BRAF: variants seen among roughly 807,000 people sequenced by gnomAD.
BRAF encodes the protein B-Raf proto-oncogene, serine/threonine kinase.
In BRAF, 16 loss-of-function variants were observed where a neutral mutation model predicts 104.6. The ratio of observed to expected loss-of-function variants is 0.15; its 90% confidence interval spans 0.10 to 0.23. The LOEUF is 0.23. Ranked by LOEUF, BRAF falls within the 10% of genes least tolerant of loss-of-function variation. The pLI, the probability that BRAF is intolerant of heterozygous loss-of-function variation, is 1.00. For synonymous variants in BRAF, 310 were observed against 341.6 expected, an observed-to-expected ratio of 0.91 and a Z score of 1.02; for missense variants, 541 against 937.3, an observed-to-expected ratio of 0.58 and a Z score of 5.52.
chr7:140,786,014 G>T (rs1399261858), intron 9 of BRAF, among the ~76,000 whole-genome samples: 1 of 152,134 alleles, frequency 6.6e-6, no homozygotes, highest in Admixed American at 6.6e-5. Flanking sequence ...CTTGCTTTTA[G>T]GTACTAAGCA....
At chr7:140,919,876 C>G (rs903539455) in intron 1 of BRAF, among the ~76,000 whole-genome samples, 2 of 151,422 alleles carry the variant, frequency 1.3e-5, no homozygotes, top group African/African-American at 4.9e-5. Context: ...CAGGGTCTCA[C>G]TCTGTTGCCA....
intron 1 of BRAF, among the ~76,000 whole-genome samples, chr7:140,871,316 A>G (rs1811571682): frequency 6.6e-6 from 1 of 151,966 alleles, no homozygotes; most frequent in African/African-American, 2.4e-5. Context: ...ACCTGGTGGA[A>G]AAGGGTAATC....
At chr7:140,823,242 C>T (rs1805670390) in intron 3 of BRAF, among the ~76,000 whole-genome samples, 1 of 152,158 alleles carries the variant, frequency 6.6e-6, no homozygotes, top group African/African-American at 2.4e-5. Context: ...TAAGTACATT[C>T]ACAATGTTGT....
At chr7:140,865,252 G>T (rs1356856992) in intron 1 of BRAF, among the ~76,000 whole-genome samples, 1 of 152,026 alleles carries the variant, frequency 6.6e-6, no homozygotes, top group African/African-American at 2.4e-5. Context: ...GCTAATTTTT[G>T]TATTTTTAGT....
At chr7:140,788,286 G>A (rs550873171) in intron 8 of BRAF, among the ~76,000 whole-genome samples, 1 of 152,212 alleles carries the variant, frequency 6.6e-6, no homozygotes, top group African/African-American at 2.4e-5. Flanking sequence ...TAATTCAGAA[G>A]AAAAAGTGAT....
rs144377394 is a variant in BRAF, at chr7:140,845,882, T to C, written c.240+4229A>G. ...TTTTAGTAGAGACAGGATTTCATCATGTTAGTCAGGCTGGTCTCAAACTCC... is the reference window on the plus strand; with the variant it reads ...TTTTAGTAGAGACAGGATTTCATCACGTTAGTCAGGCTGGTCTCAAACTCC... On this transcript the variant is annotated intron_variant, in intron 2 of 19. Coordinates refer to ENST00000644969, the MANE Select transcript of BRAF (RefSeq NM_001374258.1). Among the ~76,000 whole-genome samples the C allele has an allele frequency of 1.6e-3, 246 of 152,302 alleles. 1 individual carries two copies. Among genetic ancestry groups the C allele is most frequent in the Middle Eastern group, 0.014 (4 of 294 alleles).
chr7:140,776,860 C>A (rs969439754), intron 14 of BRAF, 52 bp downstream of exon 13: 1 of 1,553,928 alleles, frequency 6.4e-7, no homozygotes, highest in South Asian at 1.1e-5. Flanking sequence ...TTTAAAACAT[C>A]CTCAATGGTC....
chr7:140,846,698 TA>T (rs925719398), intron 2 of BRAF, among the ~76,000 whole-genome samples: 59 of 142,340 alleles, frequency 4.1e-4, no homozygotes, highest in Admixed American at 7.0e-4. Context: ...TTTACCCCAA[TA>T]AAAAAAAAAA....
intron 18 of BRAF, 43 bp from the exon 18 acceptor site, chr7:140,734,813 A>AG: frequency 8.1e-7 from 1 of 1,230,242 alleles, no homozygotes; most frequent in Non-Finnish European, 1.0e-6. Context: ...AAAAGAAAAA[A>AG]GAAAAAAAAA....
chr7:140,761,581 G>C (rs1326687576), intron 14 of BRAF, among the ~76,000 whole-genome samples: 4 of 152,056 alleles, frequency 2.6e-5, no homozygotes, highest in African/African-American at 9.7e-5. Context: ...CCAATTAAAA[G>C]ACACAGACTG....
rs143000427 is a variant in BRAF at position 140,750,655 on chromosome 7, A to C, written c.1981-1237T>G. On this transcript the variant is annotated intron_variant, in intron 16 of 19. Coordinates refer to ENST00000644969, the MANE Select transcript of BRAF (RefSeq NM_001374258.1). ...ATTTTGTTCATAGTTGCTTTTAGTA[A>C]TACAGTACAAAATAAACCACATATA... Among the ~76,000 whole-genome samples, 7 of 152,308 alleles carry C rather than the reference A, an allele frequency of 4.6e-5. No individual in the cohort carries two copies. The East Asian group carries it at 1.4e-3, about 29-fold the overall frequency.
intron 1 of BRAF, among the ~76,000 whole-genome samples, chr7:140,903,270 TTA>T: frequency 6.6e-6 from 1 of 152,136 alleles, no homozygotes; most frequent in South Asian, 2.1e-4. Context: ...GCTGGTGACT[TTA>T]AGTTGAAGCC....
intron 4 of BRAF, 57 bp from the exon 5 acceptor site, chr7:140,808,119 C>A (rs183540644): frequency 3.8e-6 from 5 of 1,332,390 alleles, no homozygotes; most frequent in African/African-American, 2.9e-5. Flanking sequence ...TATTCATATA[C>A]CTCATGCTGA....
At chr7:140,776,806 G>T in intron 14 of BRAF, 106 bp downstream of exon 13, 1 of 1,097,946 alleles carries the variant, frequency 9.1e-7, no homozygotes, top group Non-Finnish European at 1.4e-6. Context: ...TATGTTCCTG[G>T]ACAGTAATTT....
chr7:140,735,345 G>A (rs919095230), intron 18 of BRAF, among the ~76,000 whole-genome samples: 3 of 152,088 alleles, frequency 2.0e-5, no homozygotes, highest in Non-Finnish European at 2.9e-5. Flanking sequence ...AGGAGAACTC[G>A]ACAAATAGAC....
intron 1 of BRAF, among the ~76,000 whole-genome samples, chr7:140,877,893 T>G (rs187298818): frequency 6.6e-6 from 1 of 152,266 alleles, no homozygotes; most frequent in East Asian, 1.9e-4. Flanking sequence ...AACTCATAGT[T>G]AAAAACCTTT....
At chr7:140,734,810 AAAAG>A (rs2130871672) in intron 18 of BRAF, 40 bp from the exon 18 acceptor site, 2 of 1,451,430 alleles carry the variant, frequency 1.4e-6, no homozygotes, top group African/African-American at 2.0e-5. Context: ...AAAAAAAGAA[AAAAG>A]AAAAAAAAAG....
chr7:140,778,551 T>C (rs1200969985), intron 12 of BRAF, among the ~76,000 whole-genome samples: 1 of 152,030 alleles, frequency 6.6e-6, no homozygotes, highest in African/African-American at 2.4e-5. Flanking sequence ...TATGATACTT[T>C]CAATTAGGAA....
chr7:140,725,175 T>A lies in BRAF; in HGVS notation c.*1319A>T. The A allele has an allele frequency of 9.6e-7, 1 of 1,042,810 alleles. No homozygotes were observed. Among genetic ancestry groups the A allele is most frequent in the Non-Finnish European group, 1.2e-6 (1 of 865,056 alleles). The allele number at this position is 1,042,810 out of a possible 1,614,324, so 64.6% of individuals were successfully genotyped here. On this transcript the variant is annotated 3_prime_UTR_variant, in exon 20 of 20. Coordinates refer to ENST00000644969, the MANE Select transcript of BRAF (RefSeq NM_001374258.1). ...GCCACCATTTTTATTTTAGGTTGCATATTCTAGATAAAAGACTAGAAAGAA... is the reference window on the plus strand; with the variant it reads ...GCCACCATTTTTATTTTAGGTTGCAAATTCTAGATAAAAGACTAGAAAGAA...
Sources: allele counts gnomAD v4.1 joint callset (sites outside exome capture counted in the v4.1 genomes callset), GRCh38; gene constraint gnomAD v4.1.1; transcripts MANE v1.5; gene names NCBI Gene and HGNC (gene_info 2026-07-23, HGNC 2026-07-21).